Variants in EPB41L4B observed in about 807,000 individuals in gnomAD.
EPB41L4B encodes the protein band 4.1-like protein 4B.
In EPB41L4B, 30 loss-of-function variants were observed where a neutral mutation model predicts 112.5. The observed-to-expected ratio is 0.27, with a 90% CI of 0.20 to 0.36. The LOEUF (loss-of-function observed/expected upper bound fraction) is 0.36, where lower values mean the gene tolerates loss of function less well. Among genes scored for constraint, EPB41L4B ranks in the 10% least tolerant of loss-of-function variants. The pLI is 1.00. For missense variants in EPB41L4B, 1,024 were observed against 1,133.3 expected (o/e 0.90, Z 1.38); for synonymous variants, 408 against 439.7 (o/e 0.93, Z 0.90).
chr9:109,213,706 T>G lies in EPB41L4B; in HGVS notation c.1746A>C (p.Ile582=). The G allele has an allele frequency of 1.9e-6, 3 of 1,613,752 alleles. No homozygotes were observed. The highest frequency in any genetic ancestry group is 2.5e-6 in the Non-Finnish European group (3 of 1,179,840). Residue 582 remains isoleucine (I), a synonymous_variant, in exon 17 of 26, where the codon ATA becomes ATC. Coordinates refer to ENST00000374566, the MANE Select transcript of EPB41L4B (RefSeq NM_019114.5). ...AGPWPPLHIN[I]NKAEEKKVSE... is the part of the protein sequence containing the mutation. ...GAGCCCCGGCCCTTGGCACCTTGTT[T>G]ATGTTGATGTGCAGAGGAGGCCAGG...
In EPB41L4B at chr9:109,192,340, C is replaced by T; in HGVS notation, c.2239G>A (p.Gly747Arg). 6.2e-7 allele frequency: 1 copy of T among 1,612,056 alleles called. No homozygotes were observed. Among genetic ancestry groups the T allele is most frequent in the African/African-American group, 1.3e-5 (1 of 74,940 alleles). ...SPGAKSPSDR[G>R]GAFTLEPGDL... ...CCCGGCTCCAGGGTAAAGGCACCTCCTCGGTCAGAGGGGCTCTAGGGAGAC... is the reference window on the plus strand; with the variant it reads ...CCCGGCTCCAGGGTAAAGGCACCTCTTCGGTCAGAGGGGCTCTAGGGAGAC... Residue 747 changes from glycine to arginine, a missense_variant, in exon 22 of 26, where the codon GGA (glycine) becomes AGA (arginine). Gly to Arg is a moderately radical substitution (Grantham distance 125). Coordinates refer to ENST00000374566, the MANE Select transcript of EPB41L4B (RefSeq NM_019114.5).
intron 17 of EPB41L4B, among the ~76,000 whole-genome samples, chr9:109,212,860 C>T (rs961465769): frequency 7.2e-5 from 11 of 152,156 alleles, no homozygotes; most frequent in African/African-American, 2.2e-4. Context: ...GCATTTAGTG[C>T]ATTGTGGCTG....
At chr9:109,204,887 A>C (rs893239317) in intron 18 of EPB41L4B, among the ~76,000 whole-genome samples, 1 of 152,174 alleles carries the variant, frequency 6.6e-6, no homozygotes, top group African/African-American at 2.4e-5. Flanking sequence ...CACTGATGCC[A>C]ATAGGGGATT....
chr9:109,227,605 C>T (rs1387824545), intron 15 of EPB41L4B, among the ~76,000 whole-genome samples: 3 of 150,164 alleles, frequency 2.0e-5, no homozygotes, highest in Admixed American at 6.6e-5. Flanking sequence ...TTTTTTGAGA[C>T]GGAGTCTTGC....
At chr9:109,283,782 TTA>T (rs1836163283) in intron 1 of EPB41L4B, among the ~76,000 whole-genome samples, 1 of 152,112 alleles carries the variant, frequency 6.6e-6, no homozygotes, top group Non-Finnish European at 1.5e-5. Flanking sequence ...AATAAACCTA[TTA>T]TAAGTTGTAA....
chr9:109,248,048 C>G (rs1406196321), intron 13 of EPB41L4B, among the ~76,000 whole-genome samples: 1 of 152,208 alleles, frequency 6.6e-6, no homozygotes, highest in Non-Finnish European at 1.5e-5. Flanking sequence ...AATGCAGTCT[C>G]AATGTCATAT....
intron 2 of EPB41L4B, among the ~76,000 whole-genome samples, chr9:109,277,023 C>T (rs1835856832): frequency 1.3e-5 from 2 of 152,162 alleles, no homozygotes; most frequent in Non-Finnish European, 2.9e-5. Flanking sequence ...GCAAGGCAGC[C>T]TATCTAAAGC....
chr9:109,192,825 C>T (rs569201586), intron 21 of EPB41L4B, among the ~76,000 whole-genome samples: 1 of 152,256 alleles, frequency 6.6e-6, no homozygotes, highest in Admixed American at 6.5e-5. Context: ...TGCCCTCCTG[C>T]TCTGGGGTCT....
At chr9:109,182,678 C>T (rs376475808) in intron 24 of EPB41L4B, 51 bp downstream of exon 24, 49 of 1,378,788 alleles carry the variant, frequency 3.6e-5, no homozygotes, top group Non-Finnish European at 4.8e-5. Flanking sequence ...AAAAGCACAC[C>T]GCATGGGAAC....
chr9:109,260,361 T>A (rs1461650019), intron 6 of EPB41L4B, among the ~76,000 whole-genome samples: 1 of 151,094 alleles, frequency 6.6e-6, no homozygotes, highest in Non-Finnish European at 1.5e-5. Flanking sequence ...TGAGCCACCA[T>A]GCCCAGCCAA....
intron 20 of EPB41L4B, among the ~76,000 whole-genome samples, chr9:109,195,970 A>G (rs1832626852): frequency 6.6e-6 from 1 of 152,178 alleles, no homozygotes; most frequent in Admixed American, 6.5e-5. Context: ...CAACAGTTTC[A>G]TAAGTAAAAT....
chr9:109,229,359 T>C (rs1291701282), intron 15 of EPB41L4B, among the ~76,000 whole-genome samples: 5 of 152,148 alleles, frequency 3.3e-5, no homozygotes, highest in African/African-American at 1.2e-4. Flanking sequence ...GTCTGGATGG[T>C]CAAGAAGTCC....
At chr9:109,178,441 T>A (rs1831927127) in intron 24 of EPB41L4B, among the ~76,000 whole-genome samples, 1 of 150,836 alleles carries the variant, frequency 6.6e-6, no homozygotes, top group Middle Eastern at 3.2e-3. Flanking sequence ...GAGGCCACAA[T>A]CTTAGCTCAC....
chr9:109,221,156 C>T (rs1327003118), intron 15 of EPB41L4B, among the ~76,000 whole-genome samples: 1 of 152,004 alleles, frequency 6.6e-6, no homozygotes, highest in Non-Finnish European at 1.5e-5. Flanking sequence ...GAAAAGATTC[C>T]CTTTTAAAAA....
rs1161740406 is a variant in EPB41L4B at position 109,176,671 on chromosome 9, T to C, written c.2513A>G (p.Gln838Arg). The change falls in exon 25 of 26, where the codon CAG (glutamine) becomes CGG (arginine). Residue 838 changes from glutamine (Q) to arginine (R), a missense_variant. Physicochemically the swap from Gln to Arg is conservative, Grantham distance 43 (BLOSUM62 1). Coordinates refer to ENST00000374566, the MANE Select transcript of EPB41L4B (RefSeq NM_019114.5). ...FTADFRDSKL[Q>R]CCPGPTSPLI... ...CGGGGAAGTCGGGCCAGGACAGCAC[T>C]GTAATTTACTGTCTCTGAAGTCTGC... The C allele has an allele frequency of 3.7e-6, 6 of 1,613,224 alleles. No individual in the cohort carries two copies. The highest frequency in any genetic ancestry group is 1.7e-4 in the Middle Eastern group (1 of 6,058).
chr9:109,243,789 A>T, intron 14 of EPB41L4B, 107 bp from the exon 15 acceptor site: 1 of 1,083,562 alleles, frequency 9.2e-7, no homozygotes, highest in Non-Finnish European at 1.4e-6. Flanking sequence ...GGGGACTAAG[A>T]ATGGAAAGGC....
At chr9:109,317,516 A>ACTCT (rs1271701465) in intron 1 of EPB41L4B, among the ~76,000 whole-genome samples, 1 of 152,240 alleles carries the variant, frequency 6.6e-6, no homozygotes, top group Non-Finnish European at 1.5e-5. Flanking sequence ...CTGAGGTGCC[A>ACTCT]CAGCACGGTC....
At chr9:109,244,192 T>G (rs1156742662) in intron 14 of EPB41L4B, among the ~76,000 whole-genome samples, 1 of 152,170 alleles carries the variant, frequency 6.6e-6, no homozygotes, top group Admixed American at 6.5e-5. Context: ...GGTTTTTTCT[T>G]TCTCTCTGGT....
chr9:109,259,445 T>C (rs1355877218), intron 6 of EPB41L4B, among the ~76,000 whole-genome samples: 1 of 152,188 alleles, frequency 6.6e-6, no homozygotes, highest in African/African-American at 2.4e-5. Flanking sequence ...GAAAACACTT[T>C]AAGAACCTCT....
Sources: allele counts gnomAD v4.1 joint callset (sites outside exome capture counted in the v4.1 genomes callset), GRCh38; gene constraint gnomAD v4.1.1; transcripts MANE v1.5; gene names NCBI Gene and HGNC (gene_info 2026-07-23, HGNC 2026-07-21).